The following DNAAF5 variants were observed in gnomAD, a reference collection of about 807,000 sequenced individuals.
The protein encoded by DNAAF5 is dynein axonemal assembly factor 5.
Under a neutral mutation model 75.8 loss-of-function variants are expected in DNAAF5, and 64 were observed. The observed-to-expected ratio is 0.84, with a 90% CI of 0.69 to 1.04. The LOEUF (loss-of-function observed/expected upper bound fraction) is 1.04. Ranked by LOEUF, DNAAF5 falls within the 50% of genes least tolerant of loss-of-function variation. The pLI, the probability that DNAAF5 is intolerant of heterozygous loss-of-function variation, is 0.00. For synonymous variants in DNAAF5, 657 were observed against 557.2 expected, an observed-to-expected ratio of 1.18 and a Z score of -2.52; for missense variants, 1,269 against 1,178.5, an observed-to-expected ratio of 1.08 and a Z score of -1.12.
intron 1 of DNAAF5, 180 bp downstream of exon 1, chr7:727,495 C>T: frequency 3.2e-6 from 1 of 313,470 alleles, no homozygotes; most frequent in Non-Finnish European, 5.6e-6. Context: ...AGCACCCCGC[C>T]CGGCCCCCTC....
At chr7:744,949 C>T (rs866492993) in intron 4 of DNAAF5, among the ~76,000 whole-genome samples, 1 of 152,186 alleles carries the variant, frequency 6.6e-6, no homozygotes, top group Non-Finnish European at 1.5e-5. Context: ...AGGCCACTTA[C>T]GAACTCACTG....
intron 4 of DNAAF5, among the ~76,000 whole-genome samples, chr7:746,137 A>C (rs1340932474): frequency 6.6e-6 from 1 of 152,214 alleles, no homozygotes; most frequent in African/African-American, 2.4e-5. Context: ...TTTAAATGTC[A>C]GATCAGAAGA....
chr7:776,925 C>T (rs1168353624), intron 11 of DNAAF5, among the ~76,000 whole-genome samples: 1 of 152,200 alleles, frequency 6.6e-6, no homozygotes, highest in Non-Finnish European at 1.5e-5. Flanking sequence ...AGCTCTGCCT[C>T]CTGTCAGATC....
chr7:754,602 GC>G lies in DNAAF5; in HGVS notation c.1039del (p.Leu347TrpfsTer31). The G allele has an allele frequency of 6.2e-7, 1 of 1,614,044 alleles. No homozygotes were observed. The highest frequency in any genetic ancestry group is 1.1e-5 in the South Asian group (1 of 91,072). ...TTTTCGTTCCAGAGCGCCGCCCTGT[GC>G]TGGGCTGCCGGGAGCTCGTCTTCAG... The part of the protein sequence containing the change: ...HYPPHERRPV[L>X]GCRELVFRNL... On this transcript the variant is annotated frameshift_variant, in exon 5 of 13. Coordinates refer to ENST00000297440, the MANE Select transcript of DNAAF5 (RefSeq NM_017802.4). LOFTEE classifies it high-confidence loss of function. The surrounding 1 kb of genome is among the most constrained non-coding windows in gnomAD (Gnocchi z 4.8).
At chr7:774,316 G>A in intron 10 of DNAAF5, 118 bp downstream of exon 10, 1 of 1,094,244 alleles carries the variant, frequency 9.1e-7, no homozygotes, top group Non-Finnish European at 1.3e-6. Context: ...CTCCACCTGG[G>A]GCCCGTACCC....
chr7:779,309 C>T (rs761787829), intron 11 of DNAAF5, among the ~76,000 whole-genome samples: 2 of 152,172 alleles, frequency 1.3e-5, no homozygotes, highest in African/African-American at 2.4e-5. Flanking sequence ...CCCCTCCCAG[C>T]GTCGGGAAGA....
At chr7:742,875 G>A (rs1374142338) in intron 4 of DNAAF5, among the ~76,000 whole-genome samples, 1 of 140,372 alleles carries the variant, frequency 7.1e-6, no homozygotes, top group East Asian at 2.1e-4. Context: ...CAAATCAGAT[G>A]CCCAGCTCAA....
At chr7:759,161 C>G (rs1161201992) in intron 6 of DNAAF5, among the ~76,000 whole-genome samples, 1 of 152,170 alleles carries the variant, frequency 6.6e-6, no homozygotes, top group Non-Finnish European at 1.5e-5. Context: ...CAGCTATTCT[C>G]CAGTAGCTAT....
At position 770,603 on chromosome 7, in the gene DNAAF5, C is replaced by T. The variant is rs1778525810; in HGVS notation, c.1916C>T (p.Thr639Ile). The change falls in exon 9 of 13, where the codon ACC (threonine) becomes ATC (isoleucine). Residue 639 changes from threonine (T) to isoleucine (I), a missense_variant. Thr to Ile is a moderately conservative substitution (Grantham distance 89). Transcript: ENST00000297440. ...LSTVLLRATD[T>I]INSQGQFPSY... ...ACCGTGCTGCTCAGAGCCACGGACA[C>T]CATCAACTCCCAGGGGTAGGTCCGG... 1 of 1,613,510 alleles carries T rather than the reference C, an allele frequency of 6.2e-7. No homozygotes were observed. The highest frequency in any genetic ancestry group is 1.3e-5 in the African/African-American group (1 of 74,948).
At position 761,786 on chromosome 7, in the gene DNAAF5, C is replaced by T. The variant is rs1175906416; in HGVS notation, c.1504C>T (p.Gln502Ter). 2.5e-6 allele frequency: 4 copies of T among 1,608,728 alleles called. No individual in the cohort carries two copies. The highest frequency in any genetic ancestry group is 3.4e-6 in the Non-Finnish European group (4 of 1,177,788). The change falls in exon 7 of 13, where the codon CAG (glutamine) becomes TAG (stop). Residue 502 changes from glutamine to a stop codon, truncating the protein, a stop_gained. Coordinates refer to ENST00000297440, the MANE Select transcript of DNAAF5 (RefSeq NM_017802.4). LOFTEE classifies it high-confidence loss of function. ...CCTGGAGCGCCTGCTGCTGTGTGTGCAGGCTCTGGTGTCTGTGTGTCATGA... is the reference window on the plus strand; with the variant it reads ...CCTGGAGCGCCTGCTGCTGTGTGTGTAGGCTCTGGTGTCTGTGTGTCATGA... ...LYLERLLLCV[Q>*]ALVSVCHEDC...
At chr7:749,935 G>T (rs558032104) in intron 4 of DNAAF5, among the ~76,000 whole-genome samples, 1 of 152,246 alleles carries the variant, frequency 6.6e-6, no homozygotes, top group South Asian at 2.1e-4. Flanking sequence ...CTGGCCTCAG[G>T]TGATCCACCC....
At chr7:773,681 C>G (rs1406816279) in intron 9 of DNAAF5, among the ~76,000 whole-genome samples, 3 of 152,114 alleles carry the variant, frequency 2.0e-5, no homozygotes, top group Non-Finnish European at 4.4e-5. Context: ...TGGGTGCTGC[C>G]GACACCACCG....
chr7:728,899 A>G (rs1199759524), intron 1 of DNAAF5, among the ~76,000 whole-genome samples: 4 of 152,166 alleles, frequency 2.6e-5, no homozygotes, highest in African/African-American at 9.7e-5. Context: ...GCGCTCACCC[A>G]AAGTCTCACT....
intron 12 of DNAAF5, among the ~76,000 whole-genome samples, chr7:783,475 C>G (rs986778214): frequency 6.6e-6 from 1 of 152,156 alleles, no homozygotes; most frequent in Non-Finnish European, 1.5e-5. Context: ...TCTGAAGGGT[C>G]CTGGGGACCC....
rs138948488 is a variant in DNAAF5, at chr7:775,128, G to T, written c.2205G>T (p.Met735Ile). 6.2e-7 allele frequency: 1 copy of T among 1,614,162 alleles called. No homozygotes were observed. Among genetic ancestry groups the T allele is most frequent in the Non-Finnish European group, 8.5e-7 (1 of 1,180,018 alleles). ...CGTTCTTAAAAACCTCGGGCGGCAT[G>T]ACGGATCCAGAGAAACTCATCAGGA... ...INTFLKTSGG[M>I]TDPEKLIRIY... The change falls in exon 11 of 13, where the codon ATG becomes ATT. Residue 735 changes from methionine (M) to isoleucine (I), a missense_variant. Coordinates refer to ENST00000297440, the MANE Select transcript of DNAAF5 (RefSeq NM_017802.4).
At chr7:769,810 TGTATTTTTA>T (rs952929623) in intron 8 of DNAAF5, among the ~76,000 whole-genome samples, 14 of 152,152 alleles carry the variant, frequency 9.2e-5, no homozygotes, top group Non-Finnish European at 8.8e-5. Flanking sequence ...CAGCTAATTT[TGTATTTTTA>T]GTAGAGATGG....
At chr7:749,480 C>G (rs1374666434) in intron 4 of DNAAF5, among the ~76,000 whole-genome samples, 1 of 152,188 alleles carries the variant, frequency 6.6e-6, no homozygotes, top group Non-Finnish European at 1.5e-5. Context: ...ACAGCCTTCC[C>G]CCTTCATTCT....
chr7:727,922 T>A (rs1264718975), intron 1 of DNAAF5, among the ~76,000 whole-genome samples: 1 of 151,416 alleles, frequency 6.6e-6, no homozygotes. Flanking sequence ...GGGTGTGCCC[T>A]GATAGCTGCC....
At chr7:783,112 T>C (rs1779029924) in intron 12 of DNAAF5, among the ~76,000 whole-genome samples, 1 of 152,242 alleles carries the variant, frequency 6.6e-6, no homozygotes, top group Admixed American at 6.5e-5. Context: ...CTGTCGGTTG[T>C]TCTGGGAGTG....
Sources: gnomAD v4.1 joint callset for allele counts (sites outside exome capture counted in the v4.1 genomes callset) on GRCh38, gnomAD v4.1.1 for gene constraint, Gnocchi (gnomAD v3.1) non-coding constraint, MANE v1.5 for transcripts, NCBI Gene and HGNC (gene_info 2026-07-23, HGNC 2026-07-21) for gene names.